The following SMC4 variants were observed in gnomAD, a reference collection of about 807,000 sequenced individuals.
The protein encoded by SMC4 is structural maintenance of chromosomes protein 4.
SMC4 carries 87 observed loss-of-function variants against 145.6 expected under a neutral mutation model. The observed-to-expected ratio is 0.60, with a 90% CI of 0.50 to 0.71. The LOEUF (loss-of-function observed/expected upper bound fraction) is 0.71, where lower values mean the gene tolerates loss of function less well. Among genes scored for constraint, SMC4 ranks in the 30% least tolerant of loss-of-function variants. The probability of loss-of-function intolerance (pLI) is 0.00; values close to 1 mark genes in which losing one functional copy is unlikely to be tolerated. For synonymous variants in SMC4, 558 were observed against 500.7 expected, an observed-to-expected ratio of 1.11 and a Z score of -1.53; for missense variants, 1,447 against 1,537.1, an observed-to-expected ratio of 0.94 and a Z score of 0.98.
chr3:160,424,901 C>G lies in SMC4; in HGVS notation c.2360C>G (p.Ser787Cys). The G allele has an allele frequency of 6.2e-7, 1 of 1,613,932 alleles. No individual in the cohort carries two copies. Among genetic ancestry groups the G allele is most frequent in the Non-Finnish European group, 8.5e-7 (1 of 1,179,976 alleles). ...ATGGAATCACAGTTGCAAAACGACT[C>G]TAAAAAAGCAATGCAAATCCAAGAA... Reference protein sequence around the residue: ...NKMESQLQNDSKKAMQIQEQK... With the variant: ...NKMESQLQNDCKKAMQIQEQK... Residue 787 changes from serine (S) to cysteine (C), a missense_variant, in exon 16 of 24, where the codon TCT becomes TGT. Ser to Cys is a moderately radical substitution (Grantham distance 112). Coordinates refer to ENST00000357388, the MANE Select transcript of SMC4 (RefSeq NM_001002800.3).
chr3:160,421,378 T>G (rs964036177), intron 13 of SMC4, among the ~76,000 whole-genome samples: 1 of 152,230 alleles, frequency 6.6e-6, no homozygotes, highest in Non-Finnish European at 1.5e-5. Context: ...ACATTTGCAG[T>G]GCCTCCACTA....
chr3:160,418,034 C>A, intron 11 of SMC4, 78 bp downstream of exon 11: 2 of 1,130,196 alleles, frequency 1.8e-6, no homozygotes, highest in Non-Finnish European at 2.5e-6. Context: ...TTAATCTCCG[C>A]GTCAGAGGTG....
rs1404384375 is a variant in SMC4, at chr3:160,423,604, A to G, written c.2199A>G (p.Arg733=). 1.2e-6 allele frequency: 2 copies of G among 1,613,710 alleles called. No homozygotes were observed. Among genetic ancestry groups the G allele is most frequent in the South Asian group, 2.2e-5 (2 of 91,078 alleles). The change falls in exon 14 of 24, where the codon AGA becomes AGG. Residue 733 remains arginine, a synonymous_variant. Coordinates refer to ENST00000357388, the MANE Select transcript of SMC4 (RefSeq NM_001002800.3). ...CAAGAGTAGCATATCAAAAAGATAG[A>G]AGATGGAGAGTGGTAACTTTACAGG... The part of the protein sequence containing the change: ...QATRVAYQKD[R]RWRVVTLQGQ...
chr3:160,414,086 T>A, intron 8 of SMC4: 2 of 442,260 alleles, frequency 4.5e-6, no homozygotes, highest in South Asian at 3.6e-5. Flanking sequence ...AACCAAAATT[T>A]TACTCCTATG....
At chr3:160,406,009 G>A (rs557697266) in intron 5 of SMC4, among the ~76,000 whole-genome samples, 3 of 151,960 alleles carry the variant, frequency 2.0e-5, no homozygotes, top group South Asian at 2.1e-4. Context: ...ACCCTTCTAA[G>A]GATAATTTTT....
In SMC4 at chr3:160,431,571, TA is replaced by T. The variant is rs762283416; in HGVS notation, c.3115-71del. ...GTTTTCATAGCTGTGTAATTTGTCA[TA>T]TTTTTTTTTAAACAATGAATTGTAT... On this transcript the variant is annotated intron_variant, in intron 20 of 23. Transcript: ENST00000357388. The T allele has an allele frequency of 8.6e-4, 989 of 1,155,896 alleles. 4 individuals carry two copies. Among genetic ancestry groups the T allele is most frequent in the Middle Eastern group, 1.2e-3 (5 of 4,086 alleles). 71.6% of individuals were successfully genotyped at this position (1,155,896 alleles called of 1,614,324 possible).
rs1243368446 is a variant in SMC4, at chr3:160,402,000, T to C, written c.225T>C (p.Asn75=). The C allele has an allele frequency of 6.2e-7, 1 of 1,603,830 alleles. No homozygotes were observed. The highest frequency in any genetic ancestry group is 8.5e-7 in the Non-Finnish European group (1 of 1,175,646). The part of the protein sequence containing the change: ...IPPPPPPAMT[N]EAGAPRLMIT... ...CTCCCCCGCCTCCAGCAATGACCAA[T>C]GAAGCTGGAGCTCCTCGGCTTATGA... The change falls in exon 3 of 24, where the codon AAT becomes AAC. Residue 75 remains asparagine, a synonymous_variant. Transcript: ENST00000357388.
rs1357466089 is a variant in SMC4, at chr3:160,419,541, T to C, written c.1855T>C (p.Leu619=). The change falls in exon 12 of 24, where the codon TTG becomes CTG. Residue 619 remains leucine, a splice_region_variant and synonymous_variant. Coordinates refer to ENST00000357388, the MANE Select transcript of SMC4 (RefSeq NM_001002800.3). ...CAGGATTCCAGGAATATATGGAAGA[T>C]TGGTAAAGTAGATTTTTGGGGGGCA... ...SGRIPGIYGR[L]GDLGAIDEKY... 6.3e-7 allele frequency: 1 copy of C among 1,584,182 alleles called. No individual in the cohort carries two copies. The highest frequency in any genetic ancestry group is 1.4e-5 in the African/African-American group (1 of 72,724).
At position 160,423,744 on chromosome 3, in the gene SMC4, T is replaced by C; in HGVS notation, c.2246-17T>C. 6.2e-7 allele frequency: 1 copy of C among 1,611,664 alleles called. No homozygotes were observed. The highest frequency in any genetic ancestry group is 8.5e-7 in the Non-Finnish European group (1 of 1,178,710). ...TGGGGAGACATCTGAAGCTGACTTC[T>C]CTCCCCTGTTTTCCAGGTACAATGA... On this transcript the variant is annotated splice_polypyrimidine_tract_variant and intron_variant, in intron 14 of 23. Coordinates refer to ENST00000357388, the MANE Select transcript of SMC4 (RefSeq NM_001002800.3).
chr3:160,425,019 G>GGTTTGTGT lies in SMC4; in HGVS notation c.2478+2_2478+3insTTGTGTGT. The GGTTTGTGT allele has an allele frequency of 8.1e-7, 1 of 1,227,016 alleles. No homozygotes were observed. 76.0% of individuals were successfully genotyped at this position (1,227,016 alleles called of 1,614,324 possible). A position where few individuals can be genotyped will look rare whatever the true frequency, so the allele number is the denominator to read the frequency against. On this transcript the variant is annotated frameshift_variant and splice_region_variant. Coordinates refer to ENST00000357388, the MANE Select transcript of SMC4 (RefSeq NM_001002800.3). LOFTEE classifies it high-confidence loss of function. ...TAGAAAAATTTACTGCAAGCATCCA[G>GGTTTGTGT]GTATGTGTGTGTGTGTGTGTGTGTG... is the stretch of plus-strand genomic sequence containing the variant.
At chr3:160,425,180 A>G (rs535479799) in intron 16 of SMC4, among the ~76,000 whole-genome samples, 161 bp downstream of exon 16, 2 of 152,256 alleles carry the variant, frequency 1.3e-5, no homozygotes, top group South Asian at 2.1e-4. Context: ...TGTTTCACTG[A>G]GTACTAATAG....
intron 18 of SMC4, among the ~76,000 whole-genome samples, chr3:160,429,952 T>C (rs768181230): frequency 5.9e-5 from 9 of 151,548 alleles, no homozygotes; most frequent in Non-Finnish European, 1.2e-4. Context: ...CCTGACGTCA[T>C]GGTCCCCCTG....
At chr3:160,421,021 C>T (rs941616208) in intron 13 of SMC4, 120 bp downstream of exon 13, 18 of 723,154 alleles carry the variant, frequency 2.5e-5, no homozygotes, top group African/African-American at 3.7e-5. Flanking sequence ...GCTCCGCCTC[C>T]CGGGTTCACA....
intron 21 of SMC4, 108 bp from the exon 22 acceptor site, chr3:160,432,175 C>G (rs1718481584): frequency 1.1e-6 from 1 of 872,576 alleles, no homozygotes; most frequent in African/African-American, 1.7e-5. Context: ...GCACTCCAGC[C>G]TGGGCGTCAG....
intron 13 of SMC4, among the ~76,000 whole-genome samples, chr3:160,423,116 G>C (rs1463252711): frequency 6.6e-6 from 1 of 152,046 alleles, no homozygotes; most frequent in Non-Finnish European, 1.5e-5. Flanking sequence ...CCTATAATTT[G>C]TATATATGAC....
chr3:160,410,445 T>C (rs1036861362), intron 5 of SMC4, among the ~76,000 whole-genome samples: 1 of 152,230 alleles, frequency 6.6e-6, no homozygotes, highest in Admixed American at 6.5e-5. Flanking sequence ...GCTTCAATCC[T>C]GTCTAAAACT....
intron 19 of SMC4, 100 bp downstream of exon 19, chr3:160,430,843 G>A (rs1718326719): frequency 8.0e-6 from 11 of 1,371,682 alleles, no homozygotes; most frequent in Non-Finnish European, 1.1e-5. Context: ...AGCACTCATA[G>A]ACTTAAAGTT....
chr3:160,422,632 T>C lies in SMC4; in HGVS notation c.2020-793T>C, dbSNP rs115438981. ...TTTTACCCCATTCCTTGGATTGTAT[T>C]TTCACTTTCTTGATGGTATCCTTTG... On this transcript the variant is annotated intron_variant, in intron 13 of 23. Transcript: ENST00000357388. 4.5e-3 allele frequency among the ~76,000 whole-genome samples: 679 copies of C among 152,322 alleles called. 7 individuals are homozygous for C. The highest frequency in any genetic ancestry group is 0.016 in the African/African-American group (654 of 41,572).
chr3:160,405,321 A>AAAC (rs1172371647), intron 5 of SMC4, among the ~76,000 whole-genome samples: 1 of 150,838 alleles, frequency 6.6e-6, no homozygotes, highest in Non-Finnish European at 1.5e-5. Flanking sequence ...ATTTTTCGGA[A>AAAC]AAAAAAAAAA....
Sources: gnomAD v4.1 joint callset for allele counts (sites outside exome capture counted in the v4.1 genomes callset) on GRCh38, gnomAD v4.1.1 for gene constraint, MANE v1.5 for transcripts, NCBI Gene and HGNC (gene_info 2026-07-23, HGNC 2026-07-21) for gene names.